The following SLIT3 variants were observed in gnomAD, a reference collection of about 807,000 sequenced individuals.
The protein encoded by SLIT3 is slit guidance ligand 3.
In SLIT3, 68 loss-of-function variants were observed where a neutral mutation model predicts 184.0. The observed-to-expected ratio is 0.37, with a 90% confidence interval of 0.30 to 0.45. The LOEUF (loss-of-function observed/expected upper bound fraction) is 0.45, where lower values mean the gene tolerates loss of function less well. SLIT3 is among the 20% of genes least tolerant of loss of function. The pLI is 1.00. For missense variants in SLIT3, 1,707 were observed against 2,026.0 expected, an observed-to-expected ratio of 0.84 and a Z score of 3.02; for synonymous variants, 831 against 828.6, an observed-to-expected ratio of 1.00 and a Z score of -0.05.
chr5:169,196,462 G>A (rs568725111), intron 3 of SLIT3, among the ~76,000 whole-genome samples: 3 of 152,296 alleles, frequency 2.0e-5, no homozygotes, highest in Admixed American at 6.5e-5. Context: ...TGCAATAAGA[G>A]CATGACAACA....
In SLIT3 at chr5:168,666,526, C is replaced by T; in HGVS notation, c.4500G>A (p.Gln1500=). The change falls in exon 36 of 36, where the codon CAG becomes CAA. Residue 1500 remains glutamine, a synonymous_variant. Coordinates refer to ENST00000519560, the MANE Select transcript of SLIT3 (RefSeq NM_003062.4). ...CTACAAACGAGGAGCCGTCCGTGCA[C>T]TGGAAGACGTATTTCCGCCGCTTGC... is the stretch of plus-strand genomic sequence containing the variant. ...TRSKRRKYVF[Q]CTDGSSFVEE... is the part of the protein sequence containing the mutation. The T allele has an allele frequency of 2.5e-6, 4 of 1,612,806 alleles. No homozygotes were observed. The highest frequency in any genetic ancestry group is 1.8e-4 in the Middle Eastern group (1 of 5,438).
chr5:168,876,061 C>G (rs772353962), intron 5 of SLIT3, among the ~76,000 whole-genome samples: 4 of 152,086 alleles, frequency 2.6e-5, no homozygotes, highest in Non-Finnish European at 5.9e-5. Flanking sequence ...CCATTTGAGA[C>G]GAGAGCCAGG....
chr5:168,849,853 T>G (rs1388708525), intron 5 of SLIT3, among the ~76,000 whole-genome samples: 2 of 152,208 alleles, frequency 1.3e-5, no homozygotes, highest in Non-Finnish European at 2.9e-5. Context: ...GGGGAATCCC[T>G]GCTTTCATGA....
intron 4 of SLIT3, among the ~76,000 whole-genome samples, chr5:168,933,552 AC>A (rs146237832): frequency 0.075 from 10,595 of 140,792 alleles, 449 homozygotes; most frequent in African/African-American, 0.14. Context: ...AAACAAACAA[AC>A]AAAAAAAACA....
At position 168,696,332 on chromosome 5, in the gene SLIT3, C is replaced by T; in HGVS notation, c.3042G>A (p.Gly1014=). ...GACAGATACACACGTAGTTGTTGAT[C>T]CCGTCCACGCAGGTGGCATTGTTTT... is the stretch of plus-strand genomic sequence containing the variant. ...DCENNATCVD[G]INNYVCICPP... Residue 1014 remains glycine (G), a synonymous_variant, in exon 28 of 36, where the codon GGG becomes GGA. Transcript: ENST00000519560. 6.2e-7 allele frequency: 1 copy of T among 1,614,140 alleles called. No individual in the cohort carries two copies. The highest frequency in any genetic ancestry group is 2.2e-5 in the East Asian group (1 of 44,878).
chr5:168,910,335 T>C (rs1212940621), intron 4 of SLIT3, among the ~76,000 whole-genome samples: 1 of 152,182 alleles, frequency 6.6e-6, no homozygotes, highest in Non-Finnish European at 1.5e-5. Context: ...TTTAAAGAAA[T>C]ATTTTCATCC....
At chr5:168,882,447 A>G (rs941108039) in intron 5 of SLIT3, among the ~76,000 whole-genome samples, 10 of 152,324 alleles carry the variant, frequency 6.6e-5, no homozygotes, top group Non-Finnish European at 1.2e-4. Context: ...GCGCTTGACT[A>G]TGGTGACAGC....
rs780887734 is a variant in SLIT3, at chr5:168,671,404, A to G, written c.3921T>C (p.His1307=). 3 of 1,613,730 alleles carry G rather than the reference A, an allele frequency of 1.9e-6. No individual in the cohort carries two copies. The highest frequency in any genetic ancestry group is 1.1e-5 in the South Asian group (1 of 91,062). Residue 1307 remains histidine, a synonymous_variant, in exon 34 of 36, where the codon CAT becomes CAC. Coordinates refer to ENST00000519560, the MANE Select transcript of SLIT3 (RefSeq NM_003062.4). The part of the protein sequence containing the change: ...RPLGGFHGCI[H]EVRINNELQD... ...GCAGCTCGTTGTTGATGCGCACCTC[A>G]TGGATGCATCCGTGGAAGCCGCCTA...
intron 5 of SLIT3, among the ~76,000 whole-genome samples, chr5:168,877,391 A>G (rs1759771734): frequency 6.6e-6 from 1 of 152,116 alleles, no homozygotes; most frequent in Non-Finnish European, 1.5e-5. Flanking sequence ...TGTTCAGGGA[A>G]TGTAAAGGAG....
intron 6 of SLIT3, among the ~76,000 whole-genome samples, chr5:168,825,367 C>T (rs1757664337): frequency 6.6e-6 from 1 of 152,152 alleles, no homozygotes; most frequent in South Asian, 2.1e-4. Context: ...GTGGCCTCAC[C>T]TCCCTTGGCC....
At chr5:169,246,035 T>A (rs541467356) in intron 2 of SLIT3, among the ~76,000 whole-genome samples, 1 of 152,340 alleles carries the variant, frequency 6.6e-6, no homozygotes, top group South Asian at 2.1e-4. Flanking sequence ...TATATGTGTC[T>A]GGGACAGGTA....
chr5:169,134,174 A>C (rs1328427459), intron 4 of SLIT3, among the ~76,000 whole-genome samples: 1 of 152,202 alleles, frequency 6.6e-6, no homozygotes, highest in Non-Finnish European at 1.5e-5. Context: ...TCAACATGGT[A>C]GCCAACAGGA....
In SLIT3 at chr5:168,836,175, A is replaced by G. The variant is rs192906963; in HGVS notation, c.557+8409T>C. Among the ~76,000 whole-genome samples the G allele has an allele frequency of 5.2e-3, 797 of 152,312 alleles. 5 individuals carry two copies. The highest frequency in any genetic ancestry group is 0.012 in the South Asian group (58 of 4,828). Reference sequence around the variant, plus strand: ...TCTATAGAAAAGCAGACTCTCAGCCACAGGTAAGCTGAGCTGTCCAATCTT... The same window carrying G: ...TCTATAGAAAAGCAGACTCTCAGCCGCAGGTAAGCTGAGCTGTCCAATCTT... On this transcript the variant is annotated intron_variant, in intron 6 of 35. Transcript: ENST00000519560.
intron 23 of SLIT3, 195 bp from the exon 24 acceptor site, chr5:168,712,549 G>T: frequency 1.7e-6 from 1 of 586,228 alleles, no homozygotes; most frequent in East Asian, 2.8e-5. Context: ...GATGGAGGGA[G>T]TAGAGGGTTT....
chr5:168,766,877 T>C (rs1442962461), intron 14 of SLIT3, among the ~76,000 whole-genome samples: 1 of 152,224 alleles, frequency 6.6e-6, no homozygotes, highest in Non-Finnish European at 1.5e-5. Context: ...TACTAACAGA[T>C]GAAAGTCTGA....
chr5:168,937,475 A>G (rs1762195232), intron 4 of SLIT3, among the ~76,000 whole-genome samples: 1 of 152,164 alleles, frequency 6.6e-6, no homozygotes, highest in African/African-American at 2.4e-5. Context: ...CGAGGGTGGC[A>G]GAGGGGCAGA....
intron 20 of SLIT3, 144 bp downstream of exon 20, chr5:168,748,158 T>C: frequency 1.1e-6 from 1 of 931,454 alleles, no homozygotes; most frequent in Non-Finnish European, 1.5e-6. Flanking sequence ...AGGGCTCCAC[T>C]GCCATCTTGC....
chr5:168,906,629 G>A (rs1036402430), intron 4 of SLIT3, among the ~76,000 whole-genome samples: 10 of 152,058 alleles, frequency 6.6e-5, no homozygotes, highest in African/African-American at 2.4e-4. Context: ...AGGGTTTAGT[G>A]GGAATCTTCT....
At chr5:168,752,225 G>A (rs1405846864) in intron 18 of SLIT3, among the ~76,000 whole-genome samples, 2 of 152,060 alleles carry the variant, frequency 1.3e-5, no homozygotes, top group Non-Finnish European at 2.9e-5. Flanking sequence ...CTGTGACCAT[G>A]CTGACAGATG....
Sources: gnomAD v4.1 joint callset for allele counts (sites outside exome capture counted in the v4.1 genomes callset) on GRCh38, gnomAD v4.1.1 for gene constraint, MANE v1.5 for transcripts, NCBI Gene and HGNC (gene_info 2026-07-23, HGNC 2026-07-21) for gene names.